The following SNTG1 variants were observed in gnomAD, a reference collection of about 807,000 sequenced individuals.
SNTG1 encodes syntrophin gamma 1.
In SNTG1, 39 loss-of-function variants were observed where a neutral mutation model predicts 74.7. The observed-to-expected ratio is 0.52, with a 90% CI of 0.40 to 0.68. The LOEUF is 0.68. SNTG1 is among the 30% of genes least tolerant of loss of function. The pLI, the probability that SNTG1 is intolerant of heterozygous loss-of-function variation, is 0.00. For missense variants in SNTG1, 685 were observed against 609.5 expected (o/e 1.12, Z -1.30); for synonymous variants, 254 against 217.1 (o/e 1.17, Z -1.49).
intron 17 of SNTG1, among the ~76,000 whole-genome samples, chr8:50,749,084 G>A (rs571081857): frequency 1.6e-4 from 24 of 152,046 alleles, no homozygotes; most frequent in Non-Finnish European, 2.6e-4. Flanking sequence ...AGTTAAGCAA[G>A]TTGTGAATGC....
At chr8:50,660,344 G>T (rs1189000246) in intron 15 of SNTG1, among the ~76,000 whole-genome samples, 1 of 120,008 alleles carries the variant, frequency 8.3e-6, no homozygotes, top group Non-Finnish European at 1.7e-5. Context: ...GAAAGAAAGA[G>T]AAAGAAAGAA....
chr8:50,363,159 A>G (rs2092009439), intron 2 of SNTG1, among the ~76,000 whole-genome samples: 1 of 152,228 alleles, frequency 6.6e-6, no homozygotes, highest in South Asian at 2.1e-4. Flanking sequence ...TTTAGCGACT[A>G]AATCATCGAC....
intron 9 of SNTG1, among the ~76,000 whole-genome samples, chr8:50,521,443 C>G (rs1008436664): frequency 3.3e-5 from 5 of 151,986 alleles, no homozygotes; most frequent in Non-Finnish European, 7.4e-5. Flanking sequence ...CTAAAACATG[C>G]TAAGAATCAT....
chr8:50,464,603 T>C (rs573677339), intron 8 of SNTG1, among the ~76,000 whole-genome samples: 2 of 152,032 alleles, frequency 1.3e-5, no homozygotes, highest in East Asian at 3.9e-4. Context: ...TAAATAATTA[T>C]AATAGCAACA....
At chr8:50,450,297 C>T (rs1005896305) in intron 6 of SNTG1, among the ~76,000 whole-genome samples, 2 of 152,104 alleles carry the variant, frequency 1.3e-5, no homozygotes, top group African/African-American at 4.8e-5. Flanking sequence ...GTCTTTTACC[C>T]TTAGAAGAGT....
chr8:50,362,024 A>G (rs1270424868), intron 2 of SNTG1, among the ~76,000 whole-genome samples: 1 of 152,202 alleles, frequency 6.6e-6, no homozygotes, highest in Non-Finnish European at 1.5e-5. Flanking sequence ...GAACATCTCT[A>G]TGTAGCACCT....
At chr8:50,240,037 G>T (rs1043269061) in intron 2 of SNTG1, among the ~76,000 whole-genome samples, 2 of 152,146 alleles carry the variant, frequency 1.3e-5, no homozygotes, top group African/African-American at 4.8e-5. Context: ...GAAGTTGTAG[G>T]TATATTTGTA....
intron 15 of SNTG1, among the ~76,000 whole-genome samples, chr8:50,694,357 G>A (rs2095395408): frequency 6.6e-6 from 1 of 151,560 alleles, no homozygotes; most frequent in Non-Finnish European, 1.5e-5. Flanking sequence ...ATACATTCTG[G>A]GACACATACA....
chr8:50,709,217 C>G lies in SNTG1; in HGVS notation c.1284+239C>G, dbSNP rs1459094363. 5 of 506,862 alleles carry G rather than the reference C, an allele frequency of 9.9e-6. No individual in the cohort carries two copies. The South Asian group carries it at 1.4e-4, about 14-fold the overall frequency. The allele number at this position is 506,862 out of a possible 1,614,324, so 31.4% of individuals were successfully genotyped here. On this transcript the variant is annotated intron_variant, in intron 17 of 18. Coordinates refer to ENST00000642720, the MANE Select transcript of SNTG1 (RefSeq NM_018967.5). ...TGAAAGTATTTATTTATAAGTCTATCTATGTATGTATCTATCTATCAATCA... is the reference window on the plus strand; with the variant it reads ...TGAAAGTATTTATTTATAAGTCTATGTATGTATGTATCTATCTATCAATCA...
intron 2 of SNTG1, among the ~76,000 whole-genome samples, chr8:50,211,055 A>T (rs1259394953): frequency 6.6e-6 from 1 of 152,174 alleles, no homozygotes. Context: ...TTGTTAAACA[A>T]TATTAAGTTG....
At chr8:50,445,149 A>AT (rs1464307673) in intron 5 of SNTG1, among the ~76,000 whole-genome samples, 1 of 152,122 alleles carries the variant, frequency 6.6e-6, no homozygotes, top group East Asian at 1.9e-4. Flanking sequence ...AAAGACAATT[A>AT]TTTTTTGCCA....
intron 2 of SNTG1, among the ~76,000 whole-genome samples, chr8:50,367,472 AT>A (rs778806616): frequency 2.0e-5 from 3 of 152,084 alleles, no homozygotes; most frequent in Non-Finnish European, 4.4e-5. Context: ...AAAATTTATT[AT>A]TTTTTATTTT....
chr8:50,153,241 G>A (rs554864134), intron 1 of SNTG1, among the ~76,000 whole-genome samples: 10 of 152,216 alleles, frequency 6.6e-5, no homozygotes, highest in South Asian at 2.1e-4. Context: ...CTTGTGCCAC[G>A]GTTTTCAGCT....
At chr8:50,709,023 T>TTC in intron 17 of SNTG1, 45 bp downstream of exon 17, 1 of 1,374,486 alleles carries the variant, frequency 7.3e-7, no homozygotes, top group Non-Finnish European at 1.0e-6. Context: ...GCAAACATTC[T>TTC]AATTGAAGAA....
At chr8:50,089,112 A>G (rs1823214794) in intron 1 of SNTG1, among the ~76,000 whole-genome samples, 1 of 151,322 alleles carries the variant, frequency 6.6e-6, no homozygotes, top group African/African-American at 2.4e-5. Context: ...CATATCTACA[A>G]CTATCTGATC....
At chr8:50,677,395 C>T (rs978091662) in intron 15 of SNTG1, among the ~76,000 whole-genome samples, 4 of 151,842 alleles carry the variant, frequency 2.6e-5, no homozygotes, top group African/African-American at 9.7e-5. Context: ...TATATGGACA[C>T]CCATAACATA....
intron 2 of SNTG1, among the ~76,000 whole-genome samples, chr8:50,307,227 A>G (rs761856825): frequency 1.3e-5 from 2 of 152,118 alleles, no homozygotes; most frequent in Admixed American, 6.6e-5. Context: ...TCTCTTGTAC[A>G]TAAATGTATG....
In SNTG1 at chr8:50,424,897, T is replaced by C. The variant is rs116102067; in HGVS notation, c.163-13646T>C. On this transcript the variant is annotated intron_variant, in intron 4 of 18. Transcript: ENST00000642720. The stretch of plus-strand genomic sequence containing the variant: ...CTCTGCTCATTGTATTCAGTGGGAA[T>C]AATATTTCAAAGTAATTACATAAAC... Among the ~76,000 whole-genome samples, 111 of 152,308 alleles carry C rather than the reference T, an allele frequency of 7.3e-4. 1 individual carries two copies. Among genetic ancestry groups the C allele is most frequent in the African/African-American group, 2.5e-3 (105 of 41,578 alleles).
In SNTG1 at chr8:50,527,477, G is replaced by A. The variant is rs1383429489; in HGVS notation, c.467-2700G>A. On this transcript the variant is annotated intron_variant, in intron 9 of 18. Transcript: ENST00000642720. The stretch of plus-strand genomic sequence containing the variant: ...TTTATAATACATCTTATATTTTTGT[G>A]CATCTTACATAAGAATCAATTATGT... Among the ~76,000 whole-genome samples the A allele has an allele frequency of 2.6e-5, 4 of 151,740 alleles. No homozygotes were observed. The East Asian group carries it at 7.7e-4, about 29-fold the overall frequency.
Sources: allele counts gnomAD v4.1 joint callset (sites outside exome capture counted in the v4.1 genomes callset), GRCh38; gene constraint gnomAD v4.1.1; transcripts MANE v1.5; gene names NCBI Gene and HGNC (gene_info 2026-07-23, HGNC 2026-07-21).